ALMS1: variants seen among roughly 807,000 people sequenced by gnomAD.
ALMS1 encodes ALMS1 centrosome and basal body associated protein, also known as centrosome-associated protein ALMS1.
In ALMS1, 271 loss-of-function variants were observed where a neutral mutation model predicts 352.2. The ratio of observed to expected loss-of-function variants is 0.77; its 90% confidence interval spans 0.70 to 0.85. ALMS1 has a LOEUF of 0.85. Ranked by LOEUF, ALMS1 falls within the 40% of genes least tolerant of loss-of-function variation. ALMS1 has a pLI of 0.00. For missense variants in ALMS1, 5,445 were observed against 4,870.7 expected (o/e 1.12, Z -3.51); for synonymous variants, 1,865 against 1,761.2 (o/e 1.06, Z -1.48).
chr2:73,555,073 A>T (rs13431267), intron 13 of ALMS1, among the ~76,000 whole-genome samples: 7 of 151,986 alleles, frequency 4.6e-5, no homozygotes, highest in Admixed American at 2.6e-4. Context: ...CACTAAATTA[A>T]TTTCTAAATT....
At chr2:73,398,509 C>T (rs534093348) in intron 1 of ALMS1, among the ~76,000 whole-genome samples, 26 of 152,130 alleles carry the variant, frequency 1.7e-4, no homozygotes, top group East Asian at 5.8e-4. Flanking sequence ...ATTGGGATTG[C>T]GTTGATCTTA....
At position 73,599,427 on chromosome 2, in the gene ALMS1, C is replaced by T. The variant is rs561636004; in HGVS notation, c.11574C>T (p.Asp3858=). ...IQVANHVISS[D]SISSSASSFL... The stretch of plus-strand genomic sequence containing the variant: ...TAGCAAACCATGTGATTTCTTCTGA[C>T]TCTATTTCCTCTTCTGCCAGTAGTT... Residue 3858 remains aspartate (D), a synonymous_variant, in exon 17 of 23, where the codon GAC becomes GAT. Coordinates refer to ENST00000613296, the MANE Select transcript of ALMS1 (RefSeq NM_001378454.1). 1.2e-5 allele frequency: 19 copies of T among 1,613,200 alleles called. No homozygotes were observed. Among genetic ancestry groups the T allele is most frequent in the Non-Finnish European group, 1.6e-5 (19 of 1,179,622 alleles).
intron 9 of ALMS1, among the ~76,000 whole-genome samples, chr2:73,479,507 C>T (rs1672651035): frequency 6.6e-6 from 1 of 152,096 alleles, no homozygotes; most frequent in Admixed American, 6.5e-5. Context: ...CTTTTTTTCA[C>T]TCAGCATACT....
chr2:73,385,807 C>T (rs576062106), upstream of ALMS1: 6 of 672,362 alleles, frequency 8.9e-6, no homozygotes, highest in African/African-American at 1.8e-5. Context: ...AGTCAGGGCT[C>T]TCCCCTTCCC....
At chr2:73,541,617 C>T (rs1375133677) in intron 12 of ALMS1, among the ~76,000 whole-genome samples, 13 of 152,076 alleles carry the variant, frequency 8.5e-5, no homozygotes, top group Admixed American at 7.9e-4. Context: ...TGATAGACTG[C>T]TGGCCAGACT....
intron 1 of ALMS1, among the ~76,000 whole-genome samples, chr2:73,404,468 CT>C (rs879605119): frequency 1.5e-3 from 211 of 139,642 alleles, no homozygotes; most frequent in East Asian, 1.5e-3. Flanking sequence ...AGTCTGTTGA[CT>C]TTTTTTTTTT....
chr2:73,560,844 C>T (rs72811946), intron 15 of ALMS1, among the ~76,000 whole-genome samples: 5,001 of 152,234 alleles, frequency 0.033, 120 homozygotes, highest in Non-Finnish European at 0.05. Flanking sequence ...TATGGTTTCT[C>T]GCAAATGTTG....
intron 11 of ALMS1, among the ~76,000 whole-genome samples, chr2:73,530,128 A>G (rs979383990): frequency 2.0e-5 from 3 of 152,152 alleles, no homozygotes; most frequent in South Asian, 2.1e-4. Context: ...TGCCTTCCCA[A>G]TAGTCCCCCA....
At chr2:73,434,125 A>G (rs1188070987) in intron 7 of ALMS1, among the ~76,000 whole-genome samples, 1 of 150,240 alleles carries the variant, frequency 6.7e-6, no homozygotes. Context: ...TTTTCATTCT[A>G]GTCATTATTT....
intron 17 of ALMS1, 93 bp downstream of exon 17, chr2:73,599,614 G>A: frequency 6.9e-7 from 1 of 1,453,194 alleles, no homozygotes; most frequent in Non-Finnish European, 9.6e-7. Flanking sequence ...TAAAGGACAT[G>A]AAGATAAAAC....
chr2:73,413,452 T>G (rs1181857390), intron 2 of ALMS1, among the ~76,000 whole-genome samples: 1 of 152,182 alleles, frequency 6.6e-6, no homozygotes. Context: ...CTTGGCACTA[T>G]TGACATTTTG....
chr2:73,398,979 G>T lies in ALMS1; in HGVS notation c.325-9643G>T, dbSNP rs185614442. Among the ~76,000 whole-genome samples the T allele has an allele frequency of 7.0e-4, 106 of 152,240 alleles. 2 individuals are homozygous for T. In the East Asian group the frequency reaches 0.012, roughly 18 times the overall value. Reference sequence around the variant, plus strand: ...CTGCCTCAGCCTTCTGAGTAGCTGGGATTACAGGCGCCTGCCACCATGCCT... The same window carrying T: ...CTGCCTCAGCCTTCTGAGTAGCTGGTATTACAGGCGCCTGCCACCATGCCT... On this transcript the variant is annotated intron_variant, in intron 1 of 22. Transcript: ENST00000613296.
At chr2:73,537,995 G>C (rs1674068211) in intron 12 of ALMS1, among the ~76,000 whole-genome samples, 1 of 152,034 alleles carries the variant, frequency 6.6e-6, no homozygotes, top group Non-Finnish European at 1.5e-5. Flanking sequence ...AACAGAGTGA[G>C]ACCATGTCTC....
intron 3 of ALMS1, among the ~76,000 whole-genome samples, chr2:73,420,183 C>A (rs920904015): frequency 1.2e-4 from 18 of 152,096 alleles, no homozygotes; most frequent in Admixed American, 1.0e-3. Context: ...TTTATTCATT[C>A]ATGTAACAAA....
rs1294893433 is a variant in ALMS1, at chr2:73,451,081, A to G, written c.4554A>G (p.Ile1518Met). The G allele has an allele frequency of 8.1e-6, 13 of 1,613,804 alleles. No individual in the cohort carries two copies. The highest frequency in any genetic ancestry group is 1.1e-5 in the Non-Finnish European group (13 of 1,179,930). ...GCCAGACAACTGGCGCACCAACTAT[A>G]ACCTCTCCTTCCTACTCACAACATA... ...PVGQTTGAPT[I>M]TSPSYSQHRA... The change falls in exon 8 of 23, where the codon ATA becomes ATG. Residue 1518 changes from isoleucine (I) to methionine (M), a missense_variant. Physicochemically the swap from Ile to Met is conservative, Grantham distance 10. Coordinates refer to ENST00000613296, the MANE Select transcript of ALMS1 (RefSeq NM_001378454.1).
chr2:73,590,533 G>C (rs536953262), intron 16 of ALMS1, among the ~76,000 whole-genome samples: 5 of 152,102 alleles, frequency 3.3e-5, no homozygotes, highest in South Asian at 2.1e-4. Context: ...TTAGGTTTCA[G>C]ATTTGCCATT....
intron 10 of ALMS1, among the ~76,000 whole-genome samples, chr2:73,497,475 A>C (rs1673133145): frequency 6.6e-6 from 1 of 152,058 alleles, no homozygotes; most frequent in Non-Finnish European, 1.5e-5. Flanking sequence ...GATATATTGC[A>C]GGTTCAGTTC....
chr2:73,387,733 A>G (rs988576661), intron 1 of ALMS1, among the ~76,000 whole-genome samples: 2 of 152,212 alleles, frequency 1.3e-5, no homozygotes, highest in Non-Finnish European at 2.9e-5. Context: ...GGTCAGGTGT[A>G]TAGCAGAGTG....
intron 14 of ALMS1, among the ~76,000 whole-genome samples, chr2:73,558,636 T>C (rs1426905524): frequency 6.6e-6 from 1 of 152,238 alleles, no homozygotes; most frequent in Non-Finnish European, 1.5e-5. Context: ...TTGTGTTATG[T>C]AGTCACCTTT....
Sources: gnomAD v4.1 joint callset for allele counts (sites outside exome capture counted in the v4.1 genomes callset) on GRCh38, gnomAD v4.1.1 for gene constraint, MANE v1.5 for transcripts, NCBI Gene and HGNC (gene_info 2026-07-23, HGNC 2026-07-21) for gene names.